The following PREX1 variants were observed in gnomAD, a reference collection of about 807,000 sequenced individuals.
The protein encoded by PREX1 is phosphatidylinositol 3,4,5-trisphosphate-dependent Rac exchanger 1 protein.
PREX1 carries 41 observed loss-of-function variants against 198.3 expected under a neutral mutation model. That is an observed-to-expected ratio of 0.21 (90% CI 0.16 to 0.27). The LOEUF is 0.27. Ranked by LOEUF, PREX1 falls within the 10% of genes least tolerant of loss-of-function variation. The pLI is 1.00. For synonymous variants in PREX1, 843 were observed against 887.2 expected, an observed-to-expected ratio of 0.95 and a Z score of 0.89; for missense variants, 1,620 against 2,200.7, an observed-to-expected ratio of 0.74 and a Z score of 5.28.
chr20:48,768,165 CTCTA>C (rs1215109611), intron 1 of PREX1, among the ~76,000 whole-genome samples: 2 of 152,128 alleles, frequency 1.3e-5, no homozygotes, highest in African/African-American at 2.4e-5. Context: ...GAGTAAAAGC[CTCTA>C]TCTCTCAGTG....
the PREX1 span, among the ~76,000 whole-genome samples, chr20:48,846,265 G>C: frequency 6.6e-6 from 1 of 152,178 alleles, no homozygotes; most frequent in Non-Finnish European, 1.5e-5. Context: ...GTGGGGCTTG[G>C]ATTGGCCCAG....
rs190034374 is a variant in PREX1 at position 48,727,826 on chromosome 20, C to T, written c.520-1435G>A. Among the ~76,000 whole-genome samples the T allele has an allele frequency of 4.6e-5, 7 of 152,310 alleles. No individual in the cohort carries two copies. The East Asian group carries it at 1.3e-3, about 29-fold the overall frequency. On this transcript the variant is annotated intron_variant, in intron 4 of 39. Transcript: ENST00000371941. ...TTCCTCCTAGAGCCTTCATAGGTGG[C>T]CATTTGTTCCACGTGGCTCTCAATC...
At chr20:48,794,155 A>G (rs1021669821) in intron 1 of PREX1, among the ~76,000 whole-genome samples, 2 of 152,176 alleles carry the variant, frequency 1.3e-5, no homozygotes, top group Non-Finnish European at 2.9e-5. Flanking sequence ...GGGAGCTGCA[A>G]ACGAGCCCCT....
intron 1 of PREX1, among the ~76,000 whole-genome samples, chr20:48,821,260 T>C (rs529728906): frequency 3.0e-4 from 46 of 152,114 alleles, no homozygotes; most frequent in Non-Finnish European, 6.3e-4. Context: ...GAAAAGGATG[T>C]GGGCCACCAA....
intron 7 of PREX1, among the ~76,000 whole-genome samples, chr20:48,698,617 AAG>A (rs1230145221): frequency 6.6e-6 from 1 of 152,134 alleles, no homozygotes; most frequent in African/African-American, 2.4e-5. Flanking sequence ...GCAAATGAGA[AAG>A]AGCCATGCTG....
chr20:48,800,352 T>C (rs986401404), intron 1 of PREX1, among the ~76,000 whole-genome samples: 1 of 152,172 alleles, frequency 6.6e-6, no homozygotes, highest in Non-Finnish European at 1.5e-5. Flanking sequence ...TTTCCTGAGA[T>C]GTGGGACTTT....
At chr20:48,660,156 T>C in intron 15 of PREX1, 95 bp from the exon 16 acceptor site, 1 of 1,482,192 alleles carries the variant, frequency 6.7e-7, no homozygotes, top group South Asian at 1.2e-5. Context: ...AACTAGGCCA[T>C]GGACACGTTT....
At chr20:48,747,564 C>T (rs1195162418) in intron 2 of PREX1, among the ~76,000 whole-genome samples, 2 of 152,200 alleles carry the variant, frequency 1.3e-5, no homozygotes, top group Non-Finnish European at 2.9e-5. Context: ...GGGAAAGTCT[C>T]GGGTTGGAAA....
chr20:48,802,660 A>G (rs2090392806), intron 1 of PREX1, among the ~76,000 whole-genome samples: 1 of 152,182 alleles, frequency 6.6e-6, no homozygotes, highest in African/African-American at 2.4e-5. Flanking sequence ...CATCCCAAAC[A>G]TCAGAGATAT....
intron 30 of PREX1, among the ~76,000 whole-genome samples, 166 bp from the exon 31 acceptor site, chr20:48,637,918 G>A (rs1302504129): frequency 6.6e-6 from 1 of 152,176 alleles, no homozygotes; most frequent in Admixed American, 6.5e-5. Context: ...TGATTGTCAG[G>A]TAAACTCCAG....
intron 3 of PREX1, 152 bp downstream of exon 3, chr20:48,744,873 G>C: frequency 1.9e-5 from 18 of 945,212 alleles, no homozygotes; most frequent in Non-Finnish European, 2.8e-5. Context: ...ATAGTTCCAG[G>C]GATGCAGACT....
At position 48,703,821 on chromosome 20, in the gene PREX1, C is replaced by T. The variant is rs150393641; in HGVS notation, c.784-2935G>A. On this transcript the variant is annotated intron_variant, in intron 6 of 39. Transcript: ENST00000371941. ...ATGCCGAGCACACTACAGGGGGATA[C>T]CCCCTCCACCCCAGCCCTGCTGAGA... 2.8e-4 allele frequency among the ~76,000 whole-genome samples: 42 copies of T among 152,308 alleles called. No individual in the cohort carries two copies. In the East Asian group the frequency reaches 7.9e-3, roughly 29 times the overall value.
the PREX1 span, among the ~76,000 whole-genome samples, chr20:48,845,081 A>G: frequency 2.6e-5 from 4 of 152,332 alleles, no homozygotes; most frequent in South Asian, 2.1e-4. Context: ...AGTGATCCTC[A>G]AGTCTTTTTT....
At chr20:48,752,937 G>C (rs1440824738) in intron 1 of PREX1, among the ~76,000 whole-genome samples, 2 of 152,172 alleles carry the variant, frequency 1.3e-5, no homozygotes, top group African/African-American at 4.8e-5. Context: ...TGGCACTCAG[G>C]TGTAAGTTCT....
intron 1 of PREX1, among the ~76,000 whole-genome samples, chr20:48,751,542 C>T (rs538184874): frequency 5.6e-4 from 85 of 152,356 alleles, no homozygotes; most frequent in African/African-American, 1.9e-3. Flanking sequence ...GGGACCAGCC[C>T]TCCTGCTGCC....
intron 6 of PREX1, among the ~76,000 whole-genome samples, chr20:48,707,073 G>A (rs1261668471): frequency 6.6e-6 from 1 of 152,198 alleles, no homozygotes; most frequent in East Asian, 1.9e-4. Flanking sequence ...CAATAAAAAA[G>A]GAAAGCCTAG....
chr20:48,689,860 A>G (rs2089807855), intron 9 of PREX1, among the ~76,000 whole-genome samples: 1 of 152,246 alleles, frequency 6.6e-6, no homozygotes, highest in South Asian at 2.1e-4. Flanking sequence ...CGCTGGGCCC[A>G]TATTCCTGAG....
intron 37 of PREX1, 39 bp downstream of exon 37, chr20:48,629,410 G>A (rs746424150): frequency 1.7e-5 from 28 of 1,600,792 alleles, no homozygotes; most frequent in Non-Finnish European, 2.2e-5. Context: ...AGCTAGGCCA[G>A]CCCCTCCCCA....
intron 1 of PREX1, among the ~76,000 whole-genome samples, chr20:48,770,503 G>C (rs1277206025): frequency 1.3e-5 from 2 of 152,206 alleles, no homozygotes; most frequent in African/African-American, 4.8e-5. Flanking sequence ...CTGAGGTCAG[G>C]AGTTCGAGAC....
Sources: gnomAD v4.1 joint callset for allele counts (sites outside exome capture counted in the v4.1 genomes callset) on GRCh38, gnomAD v4.1.1 for gene constraint, MANE v1.5 for transcripts, NCBI Gene and HGNC (gene_info 2026-07-23, HGNC 2026-07-21) for gene names.